The following NRP1 variants were observed in gnomAD, a reference collection of about 807,000 sequenced individuals.
NRP1 encodes neuropilin-1.
In NRP1, 35 loss-of-function variants were observed where a neutral mutation model predicts 106.7. That is an observed-to-expected ratio of 0.33 (90% CI 0.25 to 0.43). The LOEUF is 0.43. NRP1 is among the 20% of genes least tolerant of loss of function. The pLI is 1.00. For synonymous variants in NRP1, 437 were observed against 417.9 expected (o/e 1.05, Z -0.56); for missense variants, 1,024 against 1,170.4 (o/e 0.87, Z 1.83).
At chr10:33,318,005 C>G (rs79900537) in intron 2 of NRP1, among the ~76,000 whole-genome samples, 1 of 152,182 alleles carries the variant, frequency 6.6e-6, no homozygotes, top group Non-Finnish European at 1.5e-5. Flanking sequence ...ACCAAACCTG[C>G]GGATGCACTT....
intron 10 of NRP1, among the ~76,000 whole-genome samples, chr10:33,205,129 A>T (rs923872451): frequency 6.6e-6 from 1 of 152,220 alleles, no homozygotes; most frequent in Non-Finnish European, 1.5e-5. Context: ...GCATTCCCTT[A>T]GGTGTCTCCC....
chr10:33,188,746 G>A (rs547353586), intron 13 of NRP1, among the ~76,000 whole-genome samples: 1 of 151,112 alleles, frequency 6.6e-6, no homozygotes, highest in African/African-American at 2.4e-5. Context: ...GCGTGGTGGC[G>A]GGCATCTGTA....
intron 6 of NRP1, among the ~76,000 whole-genome samples, chr10:33,232,632 C>CT (rs1840238353): frequency 8.1e-6 from 1 of 123,352 alleles, no homozygotes; most frequent in East Asian, 2.6e-4. Flanking sequence ...CTTTCTTTTT[C>CT]TTTTCCTTTT....
chr10:33,200,264 G>A (rs2247396), intron 11 of NRP1, among the ~76,000 whole-genome samples: 58,826 of 152,028 alleles, frequency 0.39, 12,121 homozygotes, highest in East Asian at 0.72. Context: ...CAGCTCCAAC[G>A]TAAAATTTGG....
chr10:33,327,326 C>T (rs999670783), intron 2 of NRP1, among the ~76,000 whole-genome samples: 2 of 152,136 alleles, frequency 1.3e-5, no homozygotes, highest in Non-Finnish European at 2.9e-5. Flanking sequence ...GCTTTCCTAT[C>T]TACTACTTGA....
chr10:33,251,482 G>A (rs1841852705), intron 6 of NRP1, among the ~76,000 whole-genome samples: 1 of 152,206 alleles, frequency 6.6e-6, no homozygotes, highest in African/African-American at 2.4e-5. Flanking sequence ...ATACAGAGCA[G>A]ACCCCAGCTG....
At chr10:33,180,432 A>C in intron 16 of NRP1, 67 bp from the exon 17 acceptor site, 1 of 1,466,812 alleles carries the variant, frequency 6.8e-7, no homozygotes. Flanking sequence ...AGACAGAAAA[A>C]TAGAAAGGAA....
At position 33,186,454 on chromosome 10, in the gene NRP1, T is replaced by C; in HGVS notation, c.2097A>G (p.Glu699=). 6.2e-7 allele frequency: 1 copy of C among 1,613,790 alleles called. No homozygotes were observed. The highest frequency in any genetic ancestry group is 8.5e-7 in the Non-Finnish European group (1 of 1,179,820). The part of the protein sequence containing the change: ...DGNFIYSQAD[E]NQKGKVARLV... ...GGCGAGCCACTTTGCCCTTCTGATT[T>C]TCGTCAGCTTGGGAATAGATGAAGT... Residue 699 remains glutamate (E), a synonymous_variant, in exon 14 of 17, where the codon GAA becomes GAG. Coordinates refer to ENST00000374867, the MANE Select transcript of NRP1 (RefSeq NM_003873.7).
chr10:33,230,129 C>A (rs1480437071), intron 6 of NRP1, among the ~76,000 whole-genome samples: 1 of 152,118 alleles, frequency 6.6e-6, no homozygotes, highest in Non-Finnish European at 1.5e-5. Flanking sequence ...CAGGGAAGTT[C>A]TTTCCACGAG....
intron 3 of NRP1, among the ~76,000 whole-genome samples, chr10:33,268,234 A>C (rs1332484944): frequency 6.6e-6 from 1 of 152,188 alleles, no homozygotes; most frequent in African/African-American, 2.4e-5. Context: ...CAGGACCTCA[A>C]TCTTGCCCAG....
chr10:33,186,448 C>T lies in NRP1; in HGVS notation c.2103G>A (p.Gln701=). 1 of 1,613,888 alleles carries T rather than the reference C, an allele frequency of 6.2e-7. No homozygotes were observed. Among genetic ancestry groups the T allele is most frequent in the Non-Finnish European group, 8.5e-7 (1 of 1,179,874 alleles). ...TCACCAGGCGAGCCACTTTGCCCTTCTGATTTTCGTCAGCTTGGGAATAGA... is the reference window on the plus strand; with the variant it reads ...TCACCAGGCGAGCCACTTTGCCCTTTTGATTTTCGTCAGCTTGGGAATAGA... ...NFIYSQADEN[Q]KGKVARLVSP... is the part of the protein sequence containing the mutation. The change falls in exon 14 of 17, where the codon CAG becomes CAA. Residue 701 remains glutamine (Q), a synonymous_variant. Transcript: ENST00000374867.
At chr10:33,234,398 G>A (rs1390877441) in intron 6 of NRP1, among the ~76,000 whole-genome samples, 3 of 152,096 alleles carry the variant, frequency 2.0e-5, no homozygotes, top group African/African-American at 7.2e-5. Flanking sequence ...TAACCATAAT[G>A]ATTAGAAAGA....
intron 2 of NRP1, 26 bp from the exon 3 acceptor site, chr10:33,270,882 A>T (rs755083052): frequency 3.2e-6 from 5 of 1,554,522 alleles, no homozygotes; most frequent in Non-Finnish European, 4.4e-6. Context: ...GGAAGAAAAC[A>T]TTAGGTTGGT....
chr10:33,297,527 A>G (rs1845492813), intron 2 of NRP1, among the ~76,000 whole-genome samples: 1 of 152,030 alleles, frequency 6.6e-6, no homozygotes, highest in Non-Finnish European at 1.5e-5. Context: ...CCCTACTAAA[A>G]ATACAAAAAT....
At chr10:33,206,687 G>A (rs1222962150) in intron 10 of NRP1, among the ~76,000 whole-genome samples, 1 of 152,166 alleles carries the variant, frequency 6.6e-6, no homozygotes, top group Non-Finnish European at 1.5e-5. Flanking sequence ...CATTCTTGAA[G>A]CTAGGCTGGA....
intron 6 of NRP1, among the ~76,000 whole-genome samples, chr10:33,232,409 A>G (rs925460902): frequency 6.6e-6 from 1 of 152,078 alleles, no homozygotes; most frequent in African/African-American, 2.4e-5. Flanking sequence ...TTCACATCTG[A>G]GTTGGATATA....
chr10:33,289,889 C>T (rs1206529068), intron 2 of NRP1, among the ~76,000 whole-genome samples: 1 of 152,228 alleles, frequency 6.6e-6, no homozygotes, highest in Non-Finnish European at 1.5e-5. Flanking sequence ...AGGTCAGTAT[C>T]TGCGGAGGCC....
At chr10:33,246,893 C>A (rs1335147621) in intron 6 of NRP1, among the ~76,000 whole-genome samples, 1 of 152,190 alleles carries the variant, frequency 6.6e-6, no homozygotes, top group East Asian at 1.9e-4. Flanking sequence ...GTCAATTTAG[C>A]AGATGGAACC....
chr10:33,292,449 A>T (rs1423244772), intron 2 of NRP1, among the ~76,000 whole-genome samples: 1 of 152,166 alleles, frequency 6.6e-6, no homozygotes, highest in Non-Finnish European at 1.5e-5. Context: ...CATTCAAAAA[A>T]ATATATATGC....
Sources: allele counts gnomAD v4.1 joint callset (sites outside exome capture counted in the v4.1 genomes callset), GRCh38; gene constraint gnomAD v4.1.1; transcripts MANE v1.5; gene names NCBI Gene and HGNC (gene_info 2026-07-23, HGNC 2026-07-21).